Variants in PRKAR2B observed in about 807,000 individuals in gnomAD.
PRKAR2B encodes the protein cAMP-dependent protein kinase type II-beta regulatory subunit.
A neutral mutation model predicts 49.9 loss-of-function variants in PRKAR2B; 14 were observed. That is an observed-to-expected ratio of 0.28 (90% CI 0.19 to 0.44). The LOEUF (loss-of-function observed/expected upper bound fraction) is 0.44. PRKAR2B is among the 20% of genes least tolerant of loss of function. PRKAR2B has a pLI of 1.00. For missense variants in PRKAR2B, 393 were observed against 537.9 expected (o/e 0.73, Z 2.67); for synonymous variants, 196 against 197.7 (o/e 0.99, Z 0.07).
At chr7:107,061,729 C>T (rs528347089) in intron 1 of PRKAR2B, among the ~76,000 whole-genome samples, 3 of 152,248 alleles carry the variant, frequency 2.0e-5, no homozygotes, top group African/African-American at 4.8e-5. Flanking sequence ...CATGATGAAA[C>T]CCTGTCTCCA....
At chr7:107,107,919 G>A (rs187935886) in intron 2 of PRKAR2B, among the ~76,000 whole-genome samples, 2 of 150,910 alleles carry the variant, frequency 1.3e-5, no homozygotes, top group Non-Finnish European at 2.9e-5. Context: ...GCCTCCCAAA[G>A]TGTTGGGATT....
intron 5 of PRKAR2B, among the ~76,000 whole-genome samples, chr7:107,142,912 G>A (rs571813553): frequency 5.3e-5 from 8 of 152,134 alleles, no homozygotes; most frequent in Admixed American, 3.9e-4. Context: ...ACAGGTACCC[G>A]CCACCACACC....
chr7:107,140,807 G>A, intron 4 of PRKAR2B, 40 bp from the exon 5 acceptor site: 2 of 1,442,878 alleles, frequency 1.4e-6, no homozygotes, highest in Non-Finnish European at 1.9e-6. Flanking sequence ...ACATGTTCTA[G>A]ATAAACATAA....
At position 107,148,705 on chromosome 7, in the gene PRKAR2B, C is replaced by CCG. The variant is rs199651775; in HGVS notation, c.742-2217_742-2216insCG. ...TAAGGTCAACAGACTGGAGGTCTGC[C>CCG]TTATAAATACAGGTGTGTAAAGATA... On this transcript the variant is annotated intron_variant, in intron 6 of 10. Transcript: ENST00000265717. 5.1e-4 allele frequency among the ~76,000 whole-genome samples: 78 copies of CCG among 152,170 alleles called. 2 individuals are homozygous for CCG. In the South Asian group the frequency reaches 0.011, roughly 21 times the overall value.
intron 2 of PRKAR2B, among the ~76,000 whole-genome samples, chr7:107,088,817 C>G (rs1360214470): frequency 6.6e-6 from 1 of 152,108 alleles, no homozygotes; most frequent in Non-Finnish European, 1.5e-5. Flanking sequence ...CCAGGCTGGT[C>G]TTGAACTCCT....
chr7:107,126,205 A>G (rs1028754158), intron 3 of PRKAR2B, among the ~76,000 whole-genome samples: 1 of 149,252 alleles, frequency 6.7e-6, no homozygotes, highest in African/African-American at 2.5e-5. Flanking sequence ...CATCCTGGCT[A>G]ACATGGTGAA....
intron 2 of PRKAR2B, among the ~76,000 whole-genome samples, chr7:107,074,065 A>C (rs1409807044): frequency 1.3e-5 from 2 of 151,164 alleles, no homozygotes; most frequent in Admixed American, 1.3e-4. Context: ...TGTCTCAAAA[A>C]ATAAAATAAA....
chr7:107,110,304 T>C (rs1795148544), intron 2 of PRKAR2B, among the ~76,000 whole-genome samples: 1 of 152,238 alleles, frequency 6.6e-6, no homozygotes, highest in East Asian at 1.9e-4. Context: ...TAAAGTGCTC[T>C]GGGGCCGTAA....
intron 1 of PRKAR2B, among the ~76,000 whole-genome samples, chr7:107,060,792 C>G (rs565924055): frequency 1.3e-5 from 2 of 152,118 alleles, no homozygotes; most frequent in African/African-American, 4.8e-5. Flanking sequence ...TTAATCATTC[C>G]TTTTGCTTGT....
intron 2 of PRKAR2B, among the ~76,000 whole-genome samples, chr7:107,105,205 A>G (rs969530564): frequency 6.6e-6 from 1 of 152,172 alleles, no homozygotes; most frequent in South Asian, 2.1e-4. Context: ...GAAACAGAGG[A>G]CTACTTGAGA....
intron 5 of PRKAR2B, among the ~76,000 whole-genome samples, chr7:107,144,579 G>A (rs1277488843): frequency 6.6e-6 from 1 of 151,902 alleles, no homozygotes; most frequent in African/African-American, 2.4e-5. Context: ...TCTTGCCTCA[G>A]CCTTCCAAGT....
rs1324127724 is a variant in PRKAR2B, at chr7:107,153,222, T to C, written c.889T>C (p.Tyr297His). Residue 297 changes from tyrosine (Y) to histidine (H), a missense_variant, in exon 8 of 11, where the codon TAC becomes CAC. Physicochemically the swap from Tyr to His is moderately conservative, Grantham distance 83. Transcript: ENST00000265717. ...KVVDVIGTKVYNDGEQIIAQG... is the reference protein window; with the variant it reads ...KVVDVIGTKVHNDGEQIIAQG... ...AGTAGATGTGATAGGCACCAAAGTA[T>C]ACAACGATGGAGAACAAATCATTGC... is the stretch of plus-strand genomic sequence containing the variant. 8 of 1,609,352 alleles carry C rather than the reference T, an allele frequency of 5.0e-6. No homozygotes were observed. Among genetic ancestry groups the C allele is most frequent in the Non-Finnish European group, 6.8e-6 (8 of 1,177,724 alleles).
chr7:107,096,233 A>G (rs1257695497), intron 2 of PRKAR2B, among the ~76,000 whole-genome samples: 1 of 152,112 alleles, frequency 6.6e-6, no homozygotes, highest in Non-Finnish European at 1.5e-5. Context: ...TAGTCCTGGG[A>G]GGATGTATGT....
At chr7:107,048,284 A>G (rs544043357) in intron 1 of PRKAR2B, among the ~76,000 whole-genome samples, 2 of 152,324 alleles carry the variant, frequency 1.3e-5, no homozygotes, top group East Asian at 3.9e-4. Flanking sequence ...AAAACGAGTA[A>G]GTAGGGAAGC....
At chr7:107,131,577 A>G (rs1795604662) in intron 4 of PRKAR2B, among the ~76,000 whole-genome samples, 1 of 152,250 alleles carries the variant, frequency 6.6e-6, no homozygotes, top group Admixed American at 6.5e-5. Flanking sequence ...CGAATGTTTT[A>G]TAGAGAAGAA....
intron 1 of PRKAR2B, among the ~76,000 whole-genome samples, chr7:107,063,308 A>C (rs1205383605): frequency 2.0e-5 from 3 of 152,174 alleles, no homozygotes; most frequent in Non-Finnish European, 4.4e-5. Flanking sequence ...AATGATCTTT[A>C]GGTGCCACCC....
At chr7:107,096,472 T>G (rs1351631215) in intron 2 of PRKAR2B, among the ~76,000 whole-genome samples, 1 of 149,986 alleles carries the variant, frequency 6.7e-6, no homozygotes, top group Non-Finnish European at 1.5e-5. Context: ...ATTCATTGAT[T>G]TTTTTTTTTT....
At chr7:107,140,995 T>G (rs1304052629) in intron 5 of PRKAR2B, 42 bp downstream of exon 5, 1 of 1,440,280 alleles carries the variant, frequency 6.9e-7, no homozygotes, top group Non-Finnish European at 9.7e-7. Context: ...GAAAGAACCT[T>G]TTGTGTAAAA....
intron 2 of PRKAR2B, among the ~76,000 whole-genome samples, chr7:107,082,387 TTTC>T (rs1794530140): frequency 6.6e-6 from 1 of 152,290 alleles, no homozygotes; most frequent in South Asian, 2.1e-4. Context: ...TTGCTCTGCT[TTTC>T]TTAAGTACAT....
Sources: allele counts gnomAD v4.1 joint callset (sites outside exome capture counted in the v4.1 genomes callset), GRCh38; gene constraint gnomAD v4.1.1; transcripts MANE v1.5; gene names NCBI Gene and HGNC (gene_info 2026-07-23, HGNC 2026-07-21).